The following DNAAF11 variants were observed in gnomAD, a reference collection of about 807,000 sequenced individuals.
DNAAF11 encodes dynein axonemal assembly factor 11, also known as leucine rich repeat containing 6.
DNAAF11 carries 45 observed loss-of-function variants against 60.8 expected under a neutral mutation model. That is an observed-to-expected ratio of 0.74 (90% CI 0.58 to 0.95). The LOEUF is 0.95. DNAAF11 is among the 40% of genes least tolerant of loss of function. DNAAF11 has a pLI of 0.00. For synonymous variants in DNAAF11, 191 were observed against 183.5 expected (o/e 1.04, Z -0.33); for missense variants, 546 against 546.2 (o/e 1.00, Z 0.00).
At chr8:132,573,109 T>TAGATAC (rs1464723531) in intron 11 of DNAAF11, among the ~76,000 whole-genome samples, 3 of 151,198 alleles carry the variant, frequency 2.0e-5, no homozygotes, top group South Asian at 2.1e-4. Context: ...GATATAGATA[T>TAGATAC]AGATACAGAT....
intron 4 of DNAAF11, among the ~76,000 whole-genome samples, chr8:132,637,154 G>T (rs1252081868): frequency 6.6e-6 from 1 of 152,180 alleles, no homozygotes; most frequent in Non-Finnish European, 1.5e-5. Context: ...CGCAGTAGTG[G>T]TTGTCAAATG....
chr8:132,683,641 G>C, the DNAAF11 span, among the ~76,000 whole-genome samples: 2 of 152,224 alleles, frequency 1.3e-5, no homozygotes, highest in Non-Finnish European at 2.9e-5. Context: ...AGTGGGAGGA[G>C]ACCAAGCCTT....
chr8:132,618,531 T>G, intron 7 of DNAAF11, among the ~76,000 whole-genome samples: 1 of 104,732 alleles, frequency 9.5e-6, no homozygotes, highest in African/African-American at 4.0e-5. Flanking sequence ...TGGGAGAAAA[T>G]TTTCGCAACC....
chr8:132,654,079 C>T (rs965531471), intron 3 of DNAAF11, among the ~76,000 whole-genome samples: 1 of 151,846 alleles, frequency 6.6e-6, no homozygotes, highest in African/African-American at 2.4e-5. Flanking sequence ...AAAAGTTATA[C>T]CATACAAATG....
intron 8 of DNAAF11, among the ~76,000 whole-genome samples, chr8:132,613,859 C>T (rs1818895800): frequency 6.6e-6 from 1 of 152,100 alleles, no homozygotes; most frequent in Non-Finnish European, 1.5e-5. Context: ...TAAAATGGGG[C>T]ACATCAAAAG....
intron 10 of DNAAF11, among the ~76,000 whole-genome samples, chr8:132,594,914 A>G (rs945519537): frequency 1.3e-5 from 2 of 152,084 alleles, no homozygotes; most frequent in African/African-American, 4.8e-5. Flanking sequence ...GGTTTCCCCC[A>G]TGATGTTCTT....
At chr8:132,618,402 C>T (rs1434003275) in intron 7 of DNAAF11, among the ~76,000 whole-genome samples, 3 of 105,660 alleles carry the variant, frequency 2.8e-5, no homozygotes, top group Non-Finnish European at 5.7e-5. Flanking sequence ...GACTTCATGT[C>T]TAAAACACCA....
At chr8:132,647,971 T>C (rs556697370) in intron 3 of DNAAF11, among the ~76,000 whole-genome samples, 2 of 152,238 alleles carry the variant, frequency 1.3e-5, no homozygotes, top group African/African-American at 2.4e-5. Context: ...ACTATTCCAA[T>C]CAACAGAAGA....
At chr8:132,697,850 A>C in the DNAAF11 span, among the ~76,000 whole-genome samples, 1 of 152,198 alleles carries the variant, frequency 6.6e-6, no homozygotes, top group Non-Finnish European at 1.5e-5. Context: ...TGGAGGTTTT[A>C]GGGGAGAAGA....
At chr8:132,593,826 C>T (rs1816723072) in intron 10 of DNAAF11, among the ~76,000 whole-genome samples, 1 of 151,928 alleles carries the variant, frequency 6.6e-6, no homozygotes, top group Admixed American at 6.6e-5. Context: ...TGGGCCAGAT[C>T]TTCAAATCCA....
At chr8:132,623,450 C>G (rs1457188543) in intron 6 of DNAAF11, among the ~76,000 whole-genome samples, 1 of 151,448 alleles carries the variant, frequency 6.6e-6, no homozygotes, top group African/African-American at 2.4e-5. Flanking sequence ...GTGAGATCAA[C>G]CCAAGCCTGT....
chr8:132,680,367 TAAAG>T (rs1018905472), upstream of DNAAF11, among the ~76,000 whole-genome samples: 1 of 152,168 alleles, frequency 6.6e-6, no homozygotes, highest in Non-Finnish European at 1.5e-5. Context: ...AAATAAATCT[TAAAG>T]AGAGTGTGTG....
Position 132,577,333 on chromosome 8 carries a change from C to T in DNAAF11, c.1227-4853G>A, listed in dbSNP as rs180995503. On this transcript the variant is annotated intron_variant, in intron 11 of 11. Coordinates refer to ENST00000620350, the MANE Select transcript of DNAAF11 (RefSeq NM_012472.6). ...GAACCACCTACAAAAACACCTTCTT[C>T]CAGAATAATTGTTATTTGAGGTAAT... Among the ~76,000 whole-genome samples, 55 of 152,322 alleles carry T rather than the reference C, an allele frequency of 3.6e-4. 1 individual carries two copies. The East Asian group carries it at 8.3e-3, about 23-fold the overall frequency.
chr8:132,599,513 CA>C (rs1028737200), intron 10 of DNAAF11, among the ~76,000 whole-genome samples: 1 of 152,134 alleles, frequency 6.6e-6, no homozygotes, highest in African/African-American at 2.4e-5. Context: ...AACATCGGTG[CA>C]AAAATCCTCA....
chr8:132,578,375 T>C, intron 11 of DNAAF11: 1 of 1,281,358 alleles, frequency 7.8e-7, no homozygotes, highest in Non-Finnish European at 1.0e-6. Flanking sequence ...ATCACAATAA[T>C]CTCCAAAACA....
chr8:132,686,654 A>G, the DNAAF11 span, among the ~76,000 whole-genome samples: 1 of 152,040 alleles, frequency 6.6e-6, no homozygotes, highest in South Asian at 2.1e-4. Context: ...GACTAGGAGG[A>G]TAGCAGTGGT....
chr8:132,573,003 T>C (rs1300177575), intron 11 of DNAAF11, among the ~76,000 whole-genome samples: 1 of 152,132 alleles, frequency 6.6e-6, no homozygotes, highest in Admixed American at 6.5e-5. Flanking sequence ...ACCTGAGCCT[T>C]CTGCACTCAC....
At chr8:132,593,332 C>CATATATATATATATATATATATATAT (rs60462067) in intron 10 of DNAAF11, among the ~76,000 whole-genome samples, 3 of 108,738 alleles carry the variant, frequency 2.8e-5, no homozygotes, top group Admixed American at 1.0e-4. Context: ...TATATACATA[C>CATATATATATATATATATATATATAT]ATATATATAT....
chr8:132,645,278 G>A (rs193029861), intron 3 of DNAAF11, among the ~76,000 whole-genome samples: 1 of 152,308 alleles, frequency 6.6e-6, no homozygotes, highest in African/African-American at 2.4e-5. Context: ...GGTCCTGACT[G>A]TTAGAAGGAA....
Sources: allele counts gnomAD v4.1 joint callset (sites outside exome capture counted in the v4.1 genomes callset), GRCh38; gene constraint gnomAD v4.1.1; transcripts MANE v1.5; gene names NCBI Gene and HGNC (gene_info 2026-07-23, HGNC 2026-07-21).